Variants in SLC8A3 observed in about 807,000 individuals in gnomAD.
SLC8A3 encodes sodium/calcium exchanger 3.
SLC8A3 carries 37 observed loss-of-function variants against 65.4 expected under a neutral mutation model. That is an observed-to-expected ratio of 0.57 (90% CI 0.44 to 0.74). The LOEUF (loss-of-function observed/expected upper bound fraction) is 0.74. Ranked by LOEUF, SLC8A3 falls within the 30% of genes least tolerant of loss-of-function variation. The pLI, the probability that SLC8A3 is intolerant of heterozygous loss-of-function variation, is 0.00. For missense variants in SLC8A3, 1,112 were observed against 1,172.1 expected (o/e 0.95, Z 0.75); for synonymous variants, 461 against 444.5 (o/e 1.04, Z -0.47).
intron 1 of SLC8A3, among the ~76,000 whole-genome samples, chr14:70,187,931 C>G (rs1883469341): frequency 6.6e-6 from 1 of 152,172 alleles, no homozygotes; most frequent in Admixed American, 6.5e-5. Flanking sequence ...CCGGCGGACA[C>G]TCACAGCACC....
At chr14:70,082,044 T>A (rs1176658885) in intron 2 of SLC8A3, among the ~76,000 whole-genome samples, 1 of 152,176 alleles carries the variant, frequency 6.6e-6, no homozygotes, top group Non-Finnish European at 1.5e-5. Flanking sequence ...TATTAAGTAC[T>A]AGTAGCATTT....
At chr14:70,057,336 A>AGATAGATAGATG (rs1203693033) in intron 3 of SLC8A3, among the ~76,000 whole-genome samples, 3 of 151,988 alleles carry the variant, frequency 2.0e-5, no homozygotes, top group African/African-American at 7.3e-5. Flanking sequence ...ATAGATAGAT[A>AGATAGATAGATG]GGCAAGAGCT....
intron 2 of SLC8A3, among the ~76,000 whole-genome samples, chr14:70,107,211 A>ACCTTTCT (rs1566783901): frequency 6.6e-6 from 1 of 152,060 alleles, no homozygotes; most frequent in African/African-American, 2.4e-5. Flanking sequence ...CTGAGAAAGG[A>ACCTTTCT]CATCATTTGG....
chr14:70,122,466 C>A (rs954467488), intron 2 of SLC8A3, among the ~76,000 whole-genome samples: 7 of 152,054 alleles, frequency 4.6e-5, no homozygotes, highest in African/African-American at 7.2e-5. Flanking sequence ...CTTGGCCTGG[C>A]CTGCTCTGCC....
In SLC8A3 at chr14:70,167,793, A is replaced by C. The variant is rs751795927; in HGVS notation, c.630T>G (p.Ser210Arg). The change falls in exon 2 of 7, where the codon AGT becomes AGG. Residue 210 changes from serine (S) to arginine (R), a missense_variant. Ser to Arg is a moderately radical substitution (Grantham distance 110). Transcript: ENST00000356921. ...TATAGAGCCAGATGTAGGCAAAGAT[A>C]CTCCAAGCAGCGGTGATGAAGAAGA... ...LRVFFITAAWSIFAYIWLYMI... is the reference protein window; with the variant it reads ...LRVFFITAAWRIFAYIWLYMI... The C allele has an allele frequency of 6.2e-7, 1 of 1,614,068 alleles. No homozygotes were observed. The highest frequency in any genetic ancestry group is 8.5e-7 in the Non-Finnish European group (1 of 1,180,004).
Position 70,048,829 on chromosome 14 carries a change from G to T in SLC8A3, c.2327C>A (p.Thr776Asn). Residue 776 changes from threonine (T) to asparagine (N), a missense_variant, in exon 6 of 7, where the codon ACC becomes AAC. Transcript: ENST00000356921. Reference sequence around the variant, plus strand: ...TGTGACTGAATCTTTGAGACCAATGGTGCAGCCGAAGTGCGAGGCCAGGTC... The same window carrying T: ...TGTGACTGAATCTTTGAGACCAATGTTGCAGCCGAAGTGCGAGGCCAGGTC... ...IGDLASHFGC[T>N]IGLKDSVTAV... 6.2e-7 allele frequency: 1 copy of T among 1,614,124 alleles called. No individual in the cohort carries two copies. The highest frequency in any genetic ancestry group is 8.5e-7 in the Non-Finnish European group (1 of 1,180,004).
intron 2 of SLC8A3, among the ~76,000 whole-genome samples, chr14:70,150,953 C>T (rs776352498): frequency 1.5e-4 from 23 of 152,174 alleles, no homozygotes; most frequent in Non-Finnish European, 2.2e-4. Flanking sequence ...AACTTCTGGG[C>T]AGTTGTTTAA....
At chr14:70,086,401 C>CTTTTTTTTTTTTTTTTTTTTTTTTTTTTT in intron 2 of SLC8A3, among the ~76,000 whole-genome samples, 1 of 116,148 alleles carries the variant, frequency 8.6e-6, no homozygotes, top group Non-Finnish European at 1.8e-5. Flanking sequence ...TTTCTTTTTT[C>CTTTTTTTTTTTTTTTTTTTTTTTTTTTTT]TTTTTTTTTT....
chr14:70,155,358 G>T (rs936446988), intron 2 of SLC8A3, among the ~76,000 whole-genome samples: 1 of 151,826 alleles, frequency 6.6e-6, no homozygotes. Flanking sequence ...ACTTCACATT[G>T]TATCCATTAA....
In SLC8A3 at chr14:70,127,544, C is replaced by T. The variant is rs746249283; in HGVS notation, c.1784+39095G>A. Among the ~76,000 whole-genome samples the T allele has an allele frequency of 3.9e-5, 6 of 152,006 alleles. No homozygotes were observed. The South Asian group carries it at 6.2e-4, about 16-fold the overall frequency. On this transcript the variant is annotated intron_variant, in intron 2 of 6. Transcript: ENST00000356921. ...GGTGATGGTGATGGGTTAAACTGAA[C>T]GCTGCCTAACTGGGACCAGCACCAG...
intron 2 of SLC8A3, among the ~76,000 whole-genome samples, chr14:70,136,128 G>C (rs1895184328): frequency 6.6e-6 from 1 of 152,124 alleles, no homozygotes; most frequent in South Asian, 2.1e-4. Flanking sequence ...AAGAAGAAGA[G>C]GGCTATGTGA....
chr14:70,066,247 C>G (rs1889413241), intron 2 of SLC8A3, among the ~76,000 whole-genome samples: 1 of 152,220 alleles, frequency 6.6e-6, no homozygotes, highest in Non-Finnish European at 1.5e-5. Flanking sequence ...AAAATCCCTT[C>G]CAGCTCTTGA....
intron 2 of SLC8A3, among the ~76,000 whole-genome samples, chr14:70,069,159 G>A (rs1889762274): frequency 6.6e-6 from 1 of 152,186 alleles, no homozygotes; most frequent in South Asian, 2.1e-4. Flanking sequence ...TATTTCTTAT[G>A]CAGGTGGGTA....
intron 2 of SLC8A3, among the ~76,000 whole-genome samples, chr14:70,110,431 G>C (rs1422345945): frequency 6.9e-6 from 1 of 145,578 alleles, no homozygotes; most frequent in East Asian, 2.1e-4. Flanking sequence ...AAATAAGTAA[G>C]AACATAAGAT....
Position 70,067,730 on chromosome 14 carries a change from A to T in SLC8A3, c.1785-6791T>A, listed in dbSNP as rs570489444. Reference sequence around the variant, plus strand: ...GCAGACCCAGTATCATCAAACCTAGATCCCCAGTTTACTTAACATACCACA... The same window carrying T: ...GCAGACCCAGTATCATCAAACCTAGTTCCCCAGTTTACTTAACATACCACA... On this transcript the variant is annotated intron_variant, in intron 2 of 6. Transcript: ENST00000356921. Among the ~76,000 whole-genome samples, 34 of 152,330 alleles carry T rather than the reference A, an allele frequency of 2.2e-4. No individual in the cohort carries two copies. In the East Asian group the frequency reaches 6.2e-3, roughly 28 times the overall value.
chr14:70,157,675 A>G (rs912011691), intron 2 of SLC8A3, among the ~76,000 whole-genome samples: 1 of 152,198 alleles, frequency 6.6e-6, no homozygotes, highest in Non-Finnish European at 1.5e-5. Flanking sequence ...AGCACTGGAG[A>G]CAGAAAGCGG....
Position 70,184,126 on chromosome 14 carries a change from G to A in SLC8A3, c.-63+4253C>T, listed in dbSNP as rs556868414. The stretch of plus-strand genomic sequence containing the variant: ...TCCCACGCGACATTGGCCCCAAATA[G>A]TCGCTACCCATGAGAGTCTGTACAT... On this transcript the variant is annotated intron_variant, in intron 1 of 6. Transcript: ENST00000356921. 5.9e-5 allele frequency among the ~76,000 whole-genome samples: 9 copies of A among 152,194 alleles called. No homozygotes were observed. The South Asian group carries it at 1.9e-3, about 32-fold the overall frequency.
intron 2 of SLC8A3, among the ~76,000 whole-genome samples, chr14:70,068,755 G>A (rs1470015645): frequency 6.6e-6 from 1 of 151,950 alleles, no homozygotes; most frequent in Non-Finnish European, 1.5e-5. Flanking sequence ...TTGAGACACA[G>A]TCTCACTCTG....
At chr14:70,172,012 G>T (rs1350818162) in intron 1 of SLC8A3, among the ~76,000 whole-genome samples, 1 of 152,024 alleles carries the variant, frequency 6.6e-6, no homozygotes, top group African/African-American at 2.4e-5. Flanking sequence ...AATTGCCCCG[G>T]CCCAGACACC....
Sources: gnomAD v4.1 joint callset for allele counts (sites outside exome capture counted in the v4.1 genomes callset) on GRCh38, gnomAD v4.1.1 for gene constraint, MANE v1.5 for transcripts, NCBI Gene and HGNC (gene_info 2026-07-23, HGNC 2026-07-21) for gene names.